Variants in JARID2 observed in about 807,000 individuals in gnomAD.
JARID2 encodes jumonji and AT-rich interaction domain containing 2.
In JARID2, 21 loss-of-function variants were observed where a neutral mutation model predicts 125.6. The observed-to-expected ratio is 0.17, with a 90% CI of 0.12 to 0.24. The LOEUF (loss-of-function observed/expected upper bound fraction) is 0.24. Among genes scored for constraint, JARID2 ranks in the 10% least tolerant of loss-of-function variants. JARID2 has a pLI of 1.00. For missense variants in JARID2, 1,303 were observed against 1,639.6 expected, an observed-to-expected ratio of 0.79 and a Z score of 3.55; for synonymous variants, 736 against 661.6, an observed-to-expected ratio of 1.11 and a Z score of -1.73.
chr6:15,479,736 C>T (rs1670149358), intron 5 of JARID2, among the ~76,000 whole-genome samples: 1 of 152,180 alleles, frequency 6.6e-6, no homozygotes, highest in Non-Finnish European at 1.5e-5. Context: ...GTTCCCTGTG[C>T]GAGTGAGCTG....
intron 4 of JARID2, 145 bp downstream of exon 4, chr6:15,452,320 TCC>T (rs1219209262): frequency 2.3e-5 from 27 of 1,194,762 alleles, no homozygotes; most frequent in Non-Finnish European, 2.5e-5. Flanking sequence ...AAGTGAGAAA[TCC>T]CACCGAGAGA....
chr6:15,497,325 C>T (rs944947879), intron 7 of JARID2, among the ~76,000 whole-genome samples, 155 bp downstream of exon 7: 1 of 152,210 alleles, frequency 6.6e-6, no homozygotes, highest in Non-Finnish European at 1.5e-5. Context: ...ATTCCCCCTG[C>T]AGCCCTTCTT....
At chr6:15,266,730 C>T (rs1009047612) in intron 1 of JARID2, among the ~76,000 whole-genome samples, 3 of 151,766 alleles carry the variant, frequency 2.0e-5, no homozygotes, top group African/African-American at 7.3e-5. Context: ...TGAGAAACAG[C>T]TTTGTGGACG....
intron 1 of JARID2, among the ~76,000 whole-genome samples, chr6:15,371,863 C>G (rs9464785): frequency 6.6e-6 from 1 of 151,960 alleles, no homozygotes; most frequent in Admixed American, 6.5e-5. Context: ...GGAGAGCGGA[C>G]AGGAAGACTG....
chr6:15,254,026 C>CTTAAA, intron 1 of JARID2, among the ~76,000 whole-genome samples: 1 of 152,200 alleles, frequency 6.6e-6, no homozygotes, highest in Non-Finnish European at 1.5e-5. Flanking sequence ...GGACTGTTGG[C>CTTAAA]AGCCTTTGGA....
intron 1 of JARID2, among the ~76,000 whole-genome samples, chr6:15,337,148 A>G (rs567170670): frequency 4.6e-5 from 7 of 152,072 alleles, no homozygotes; most frequent in Admixed American, 1.3e-4. Context: ...CCCTTCATGC[A>G]GTTTTAAACC....
At chr6:15,265,963 C>CG (rs1760068976) in intron 1 of JARID2, among the ~76,000 whole-genome samples, 1 of 152,100 alleles carries the variant, frequency 6.6e-6, no homozygotes, top group African/African-American at 2.4e-5. Flanking sequence ...TCCTAGCCAA[C>CG]GGGGGTGAAT....
chr6:15,461,882 C>CTT (rs112020845), intron 4 of JARID2, among the ~76,000 whole-genome samples: 104 of 145,144 alleles, frequency 7.2e-4, no homozygotes, highest in Middle Eastern at 3.3e-3. Context: ...GTGATGGTAT[C>CTT]TTTTTTTTTT....
chr6:15,489,606 A>T (rs1770048910), intron 6 of JARID2, among the ~76,000 whole-genome samples: 1 of 152,258 alleles, frequency 6.6e-6, no homozygotes, highest in Admixed American at 6.5e-5. Flanking sequence ...AACAGAAAGT[A>T]CTGCCTTAGC....
chr6:15,354,908 A>G (rs1483672626), intron 1 of JARID2, among the ~76,000 whole-genome samples: 1 of 152,226 alleles, frequency 6.6e-6, no homozygotes, highest in African/African-American at 2.4e-5. Context: ...ACTGAATATT[A>G]GAAAAGCCGG....
At chr6:15,395,793 T>TA (rs1197574168) in intron 2 of JARID2, among the ~76,000 whole-genome samples, 1 of 151,570 alleles carries the variant, frequency 6.6e-6, no homozygotes, top group African/African-American at 2.4e-5. Flanking sequence ...GCCTCCCGAG[T>TA]AGCTGGGACT....
At chr6:15,426,975 G>A (rs1401533767) in intron 3 of JARID2, among the ~76,000 whole-genome samples, 1 of 152,214 alleles carries the variant, frequency 6.6e-6, no homozygotes, top group East Asian at 1.9e-4. Flanking sequence ...GCACTTTGCA[G>A]GAATGTAAAG....
At chr6:15,458,454 T>C (rs1768293517) in intron 4 of JARID2, among the ~76,000 whole-genome samples, 1 of 152,210 alleles carries the variant, frequency 6.6e-6, no homozygotes, top group South Asian at 2.1e-4. Flanking sequence ...TGTCAGCCGT[T>C]GTGAAGCAAT....
intron 1 of JARID2, among the ~76,000 whole-genome samples, chr6:15,301,874 T>C (rs1270565320): frequency 6.6e-6 from 1 of 152,166 alleles, no homozygotes; most frequent in African/African-American, 2.4e-5. Flanking sequence ...AGAACTACTT[T>C]TCTGGAGCAG....
intron 4 of JARID2, among the ~76,000 whole-genome samples, chr6:15,461,960 T>G (rs550150727): frequency 6.6e-5 from 10 of 152,110 alleles, no homozygotes; most frequent in Non-Finnish European, 1.5e-4. Context: ...CACCTCCGTA[T>G]TCAGTAAGGA....
chr6:15,359,426 A>G (rs1470493409), intron 1 of JARID2, among the ~76,000 whole-genome samples: 2 of 152,094 alleles, frequency 1.3e-5, no homozygotes, highest in Non-Finnish European at 2.9e-5. Flanking sequence ...TCACTGCCAC[A>G]CACATATTTT....
intron 1 of JARID2, among the ~76,000 whole-genome samples, chr6:15,250,877 A>G (rs895441851): frequency 1.1e-4 from 16 of 151,940 alleles, no homozygotes; most frequent in Admixed American, 7.9e-4. Flanking sequence ...GAACAAGACA[A>G]TCTTTTGGAG....
chr6:15,483,965 T>A (rs1313864820), intron 5 of JARID2, among the ~76,000 whole-genome samples: 1 of 152,188 alleles, frequency 6.6e-6, no homozygotes, highest in East Asian at 1.9e-4. Context: ...GTGTATCTCA[T>A]TATGGTTTTG....
intron 5 of JARID2, among the ~76,000 whole-genome samples, chr6:15,469,254 G>T (rs1768900743): frequency 6.8e-6 from 1 of 147,230 alleles, no homozygotes; most frequent in African/African-American, 2.5e-5. Flanking sequence ...AGTGCCTAGT[G>T]GTCTTTTCTC....
Sources: gnomAD v4.1 joint callset for allele counts (sites outside exome capture counted in the v4.1 genomes callset) on GRCh38, gnomAD v4.1.1 for gene constraint, MANE v1.5 for transcripts, NCBI Gene and HGNC (gene_info 2026-07-23, HGNC 2026-07-21) for gene names.